GATAD2B: variants seen among roughly 807,000 people sequenced by gnomAD.
The protein encoded by GATAD2B is transcriptional repressor p66-beta.
Under a neutral mutation model 64.3 loss-of-function variants are expected in GATAD2B, and 8 were observed. The ratio of observed to expected loss-of-function variants is 0.12; its 90% CI spans 0.07 to 0.22. The LOEUF (loss-of-function observed/expected upper bound fraction) is 0.22. Among genes scored for constraint, GATAD2B ranks in the 10% least tolerant of loss-of-function variants. The probability of loss-of-function intolerance (pLI) is 1.00; values close to 1 mark genes in which losing one functional copy is unlikely to be tolerated. For missense variants in GATAD2B, 453 were observed against 752.0 expected (o/e 0.60, Z 4.65); for synonymous variants, 281 against 271.3 (o/e 1.04, Z -0.35).
intron 1 of GATAD2B, among the ~76,000 whole-genome samples, chr1:153,848,514 T>C (rs1675767758): frequency 6.6e-6 from 1 of 152,220 alleles, no homozygotes; most frequent in Non-Finnish European, 1.5e-5. Flanking sequence ...TTTCTACTCA[T>C]CTTTCCACCT....
intron 1 of GATAD2B, among the ~76,000 whole-genome samples, chr1:153,878,987 G>A (rs1376194823): frequency 6.6e-6 from 1 of 150,888 alleles, no homozygotes; most frequent in Non-Finnish European, 1.5e-5. Flanking sequence ...CGCCCAGGCT[G>A]AAAGTGCAGT....
intron 1 of GATAD2B, among the ~76,000 whole-genome samples, chr1:153,901,978 CAAAA>C (rs35731326): frequency 4.3e-5 from 4 of 92,376 alleles, no homozygotes; most frequent in Admixed American, 2.1e-4. Flanking sequence ...GACTCCGTCT[CAAAA>C]AAAAAAAAAA....
Position 153,828,077 on chromosome 1 carries a change from T to G in GATAD2B, c.271A>C (p.Thr91Pro). The change falls in exon 2 of 11, where the codon ACT becomes CCT. Residue 91 changes from threonine to proline, a missense_variant. Physicochemically the swap from Thr to Pro is conservative, Grantham distance 38. Coordinates refer to ENST00000368655, the MANE Select transcript of GATAD2B (RefSeq NM_020699.4). The part of the protein sequence containing the change: ...GNLRPHGDNR[T>P]AGRPGKENIN... ...TTTTCTTTGCCTGGCCTTCCAGCAG[T>G]CCTGTTGTCTCCATGAGGCCTGAGA... 6.2e-7 allele frequency: 1 copy of G among 1,614,178 alleles called. No individual in the cohort carries two copies. The highest frequency in any genetic ancestry group is 1.1e-5 in the South Asian group (1 of 91,090).
chr1:153,898,592 G>C (rs184533385), intron 1 of GATAD2B, among the ~76,000 whole-genome samples: 1 of 151,612 alleles, frequency 6.6e-6, no homozygotes, highest in Non-Finnish European at 1.5e-5. Flanking sequence ...TTAGCCAGGT[G>C]TGCCAGTGCA....
chr1:153,845,650 G>T lies in GATAD2B; in HGVS notation c.-1-17302C>A, dbSNP rs188143116. ...GTTCCAGCTACTTTGGCGGGGGGCTGCAAGGGGGGGTGAGGTGGGAGGACT... is the reference window on the plus strand; with the variant it reads ...GTTCCAGCTACTTTGGCGGGGGGCTTCAAGGGGGGGTGAGGTGGGAGGACT... On this transcript the variant is annotated intron_variant, in intron 1 of 10. Transcript: ENST00000368655. Among the ~76,000 whole-genome samples the T allele has an allele frequency of 7.9e-4, 109 of 138,608 alleles. 2 individuals are homozygous for T. In the East Asian group the frequency reaches 0.017, roughly 22 times the overall value. The allele number at this position is 138,608 out of a possible 152,430, so 90.9% of individuals were successfully genotyped here.
intron 1 of GATAD2B, chr1:153,921,899 A>G (rs1414092998): frequency 2.0e-5 from 3 of 152,224 alleles, no homozygotes; most frequent in African/African-American, 4.8e-5. Flanking sequence ...CTGCACTCGC[A>G]TGAGTGGCTC....
At chr1:153,888,383 C>T (rs1309849496) in intron 1 of GATAD2B, among the ~76,000 whole-genome samples, 1 of 152,142 alleles carries the variant, frequency 6.6e-6, no homozygotes, top group Admixed American at 6.5e-5. Context: ...CAAGATAGTA[C>T]CTAACTAGAA....
intron 1 of GATAD2B, among the ~76,000 whole-genome samples, chr1:153,905,534 A>C (rs1322307460): frequency 6.6e-6 from 1 of 151,010 alleles, no homozygotes; most frequent in African/African-American, 2.4e-5. Flanking sequence ...AGGAAGCCCA[A>C]ACAGCCAAAA....
chr1:153,899,992 T>C (rs931767620), intron 1 of GATAD2B, among the ~76,000 whole-genome samples: 8 of 152,180 alleles, frequency 5.3e-5, no homozygotes, highest in Non-Finnish European at 7.3e-5. Context: ...TATACACAAA[T>C]TGCAAACACC....
chr1:153,810,398 G>A (rs1674254667), intron 10 of GATAD2B, 88 bp from the exon 11 acceptor site: 1 of 1,353,140 alleles, frequency 7.4e-7, no homozygotes, highest in Admixed American at 2.1e-5. Context: ...CAGAGTTGGA[G>A]ATGGAAAGGA....
At chr1:153,893,665 A>G (rs1677490227) in intron 1 of GATAD2B, among the ~76,000 whole-genome samples, 1 of 151,960 alleles carries the variant, frequency 6.6e-6, no homozygotes, top group African/African-American at 2.4e-5. Context: ...GAACTTTTAG[A>G]AAAGTTTATT....
intron 1 of GATAD2B, among the ~76,000 whole-genome samples, chr1:153,831,094 T>C (rs137969402): frequency 5.3e-5 from 8 of 152,190 alleles, no homozygotes; most frequent in Admixed American, 1.3e-4. Context: ...CCCAAACTTC[T>C]GAATTTTGGG....
chr1:153,904,435 A>C (rs752989784), intron 1 of GATAD2B, among the ~76,000 whole-genome samples: 2 of 152,160 alleles, frequency 1.3e-5, no homozygotes, highest in Non-Finnish European at 2.9e-5. Context: ...TCTATATCTT[A>C]ATTTTTTAAA....
At chr1:153,835,166 T>C (rs974899298) in intron 1 of GATAD2B, among the ~76,000 whole-genome samples, 5 of 152,098 alleles carry the variant, frequency 3.3e-5, no homozygotes, top group Non-Finnish European at 7.4e-5. Context: ...TTGCTTCTTA[T>C]GGATGAGCAA....
intron 1 of GATAD2B, among the ~76,000 whole-genome samples, chr1:153,869,330 T>C (rs1251441652): frequency 6.6e-6 from 1 of 151,700 alleles, no homozygotes; most frequent in East Asian, 1.9e-4. Flanking sequence ...CAACAAATAC[T>C]GTAGTATTTG....
intron 1 of GATAD2B, among the ~76,000 whole-genome samples, chr1:153,879,075 GA>G (rs1285037976): frequency 6.6e-6 from 1 of 152,134 alleles, no homozygotes; most frequent in Non-Finnish European, 1.5e-5. Context: ...GAGTAGCTGG[GA>G]CTACAGGCGC....
Position 153,860,003 on chromosome 1 carries a change from T to C in GATAD2B, c.-1-31655A>G, listed in dbSNP as rs185239756. Among the ~76,000 whole-genome samples, 1,104 of 135,022 alleles carry C rather than the reference T, an allele frequency of 8.2e-3. 10 individuals are homozygous for C. The highest frequency in any genetic ancestry group is 9.6e-3 in the Non-Finnish European group (626 of 64,992). The allele number at this position is 135,022 out of a possible 152,430, so 88.6% of individuals were successfully genotyped here. The stretch of plus-strand genomic sequence containing the variant: ...CGCGATCTCAGCTCACTGGAACCTC[T>C]GCCCCAGGTTCAAGCGATTCTCCTG... On this transcript the variant is annotated intron_variant, in intron 1 of 10. Coordinates refer to ENST00000368655, the MANE Select transcript of GATAD2B (RefSeq NM_020699.4).
intron 1 of GATAD2B, among the ~76,000 whole-genome samples, chr1:153,865,725 G>A (rs550896581): frequency 2.6e-5 from 4 of 152,284 alleles, no homozygotes; most frequent in South Asian, 2.1e-4. Context: ...AAATACCAGA[G>A]GCAATTTGAA....
intron 1 of GATAD2B, among the ~76,000 whole-genome samples, chr1:153,903,071 AGCCGGGCGTGGTG>A (rs1677827038): frequency 6.6e-6 from 1 of 152,100 alleles, no homozygotes; most frequent in Non-Finnish European, 1.5e-5. Flanking sequence ...CAAAAAAATT[AGCCGGGCGTGGTG>A]GCGGGCGCCT....
Sources: gnomAD v4.1 joint callset for allele counts (sites outside exome capture counted in the v4.1 genomes callset) on GRCh38, gnomAD v4.1.1 for gene constraint, MANE v1.5 for transcripts, NCBI Gene and HGNC (gene_info 2026-07-23, HGNC 2026-07-21) for gene names.